The following RALGAPB variants were observed in gnomAD, a reference collection of about 807,000 sequenced individuals.
RALGAPB encodes ral GTPase-activating protein subunit beta.
RALGAPB carries 25 observed loss-of-function variants against 161.1 expected under a neutral mutation model. The observed-to-expected ratio is 0.16, with a 90% CI of 0.11 to 0.22. RALGAPB has a LOEUF of 0.22. Ranked by LOEUF, RALGAPB falls within the 10% of genes least tolerant of loss-of-function variation. The pLI, the probability that RALGAPB is intolerant of heterozygous loss-of-function variation, is 1.00. For missense variants in RALGAPB, 1,391 were observed against 1,815.2 expected, an observed-to-expected ratio of 0.77 and a Z score of 4.25; for synonymous variants, 629 against 626.1, an observed-to-expected ratio of 1.00 and a Z score of -0.07.
At chr20:38,564,145 G>A (rs2087897917) in intron 24 of RALGAPB, among the ~76,000 whole-genome samples, 1 of 152,152 alleles carries the variant, frequency 6.6e-6, no homozygotes, top group South Asian at 2.1e-4. Context: ...AGTGGCTATT[G>A]GGATAGTAAC....
At position 38,521,566 on chromosome 20, in the gene RALGAPB, C is replaced by G; in HGVS notation, c.1487C>G (p.Ser496Cys). 6.2e-7 allele frequency: 1 copy of G among 1,614,156 alleles called. No individual in the cohort carries two copies. Among genetic ancestry groups the G allele is most frequent in the Non-Finnish European group, 8.5e-7 (1 of 1,180,024 alleles). ...CAAATGTCCACAGACACCATGGTTT[C>G]CAATCCTATGTTTGATGCAAGTGAA... is the stretch of plus-strand genomic sequence containing the variant. Reference protein sequence around the residue: ...GSQMSTDTMVSNPMFDASEFP... With the variant: ...GSQMSTDTMVCNPMFDASEFP... Residue 496 changes from serine to cysteine, a missense_variant, in exon 10 of 30, where the codon TCC becomes TGC. Ser to Cys is a moderately radical substitution (Grantham distance 112). This residue lies in a region of RALGAPB where 946 missense variants were observed against 1,257.2 expected (regional missense o/e 0.75). Transcript: ENST00000262879.
chr20:38,474,998 G>T (rs140116530), intron 1 of RALGAPB, among the ~76,000 whole-genome samples: 4 of 152,160 alleles, frequency 2.6e-5, no homozygotes, highest in Non-Finnish European at 5.9e-5. Context: ...TCAGCAATTT[G>T]TCCAGCAGTT....
Position 38,576,108 on chromosome 20 carries a change from G to A in RALGAPB, c.*1141G>A, listed in dbSNP as rs1176852095. 6.6e-6 allele frequency: 1 copy of A among 152,416 alleles called. No homozygotes were observed. The highest frequency in any genetic ancestry group is 1.5e-5 in the Non-Finnish European group (1 of 68,030). The allele number at this position is 152,416 out of a possible 1,614,324, so 9.4% of individuals were successfully genotyped here. A position where few individuals can be genotyped will look rare whatever the true frequency, so the allele number is the denominator to read the frequency against. On this transcript the variant is annotated 3_prime_UTR_variant, in exon 30 of 30. Transcript: ENST00000262879. ...GTTTTGGAAATACTTCTATTACCTC[G>A]CTGCTACTTTTCTGCAGGGATAAAA...
chr20:38,576,235 A>C lies in RALGAPB; in HGVS notation c.*1268A>C, dbSNP rs908726823. ...TTCTCATGTGCTTTCTTCTTTAGTA[A>C]GATTATTTTAAGAAAATAAGTGATA... On this transcript the variant is annotated 3_prime_UTR_variant, in exon 30 of 30. Transcript: ENST00000262879. 6.6e-6 allele frequency: 1 copy of C among 152,670 alleles called. No individual in the cohort carries two copies. Among genetic ancestry groups the C allele is most frequent in the Non-Finnish European group, 1.5e-5 (1 of 68,048 alleles). 9.5% of individuals were successfully genotyped at this position (152,670 alleles called of 1,614,324 possible). A position where few individuals can be genotyped will look rare whatever the true frequency, so the allele number is the denominator to read the frequency against.
intron 12 of RALGAPB, 113 bp from the exon 13 acceptor site, chr20:38,525,782 A>G (rs2086445180): frequency 3.5e-6 from 4 of 1,129,968 alleles, no homozygotes; most frequent in African/African-American, 1.6e-5. Context: ...AGTGGCTAAT[A>G]TTAGACTGAA....
At chr20:38,520,184 T>C (rs918060427) in intron 9 of RALGAPB, 5 of 571,362 alleles carry the variant, frequency 8.8e-6, no homozygotes, top group Non-Finnish European at 8.9e-6. Flanking sequence ...CTTTAAAGTA[T>C]TTTATAATTA....
At chr20:38,507,700 T>G (rs1282822) in intron 5 of RALGAPB, among the ~76,000 whole-genome samples, 96,156 of 151,750 alleles carry the variant, frequency 0.63, 35,215 homozygotes, top group East Asian at 0.91. Context: ...TTTGTTTTTG[T>G]TTTTCTTTTT....
chr20:38,486,853 C>T (rs1363802175), intron 1 of RALGAPB, among the ~76,000 whole-genome samples: 1 of 152,000 alleles, frequency 6.6e-6, no homozygotes, highest in African/African-American at 2.4e-5. Flanking sequence ...TCCTTTTTCC[C>T]ACTGGTAAAC....
intron 27 of RALGAPB, among the ~76,000 whole-genome samples, chr20:38,570,330 C>T (rs2088185562): frequency 6.6e-6 from 1 of 152,232 alleles, no homozygotes; most frequent in South Asian, 2.1e-4. Context: ...AGGGGAAGCA[C>T]TTCACTTACC....
chr20:38,534,420 T>C (rs1297096736), intron 15 of RALGAPB: 6 of 152,682 alleles, frequency 3.9e-5, no homozygotes, highest in African/African-American at 1.4e-4. Context: ...GCTTCCTTTA[T>C]AAATTCAGTT....
chr20:38,569,393 C>G (rs1203314411), intron 26 of RALGAPB: 31 of 155,584 alleles, frequency 2.0e-4, no homozygotes, highest in Admixed American at 1.9e-3. Flanking sequence ...AAGCCCCAAA[C>G]AACTCGTTTT....
intron 5 of RALGAPB, among the ~76,000 whole-genome samples, chr20:38,506,722 A>G (rs865990934): frequency 6.6e-6 from 1 of 152,188 alleles, no homozygotes; most frequent in African/African-American, 2.4e-5. Context: ...TGTATTTCCT[A>G]TAAACTGGTA....
At chr20:38,517,708 C>T (rs1600921225) in intron 8 of RALGAPB, 54 bp downstream of exon 8, 2 of 1,606,238 alleles carry the variant, frequency 1.2e-6, no homozygotes, top group East Asian at 4.5e-5. Context: ...TTTTAATCTG[C>T]CATTCTTTTT....
At chr20:38,553,366 C>T (rs1012039747) in intron 21 of RALGAPB, among the ~76,000 whole-genome samples, 1 of 152,100 alleles carries the variant, frequency 6.6e-6, no homozygotes, top group Non-Finnish European at 1.5e-5. Flanking sequence ...ACAGGGAGCA[C>T]GTCAGGGTGA....
intron 5 of RALGAPB, among the ~76,000 whole-genome samples, chr20:38,501,621 C>G (rs539689730): frequency 1.3e-5 from 2 of 152,254 alleles, no homozygotes; most frequent in Admixed American, 6.5e-5. Flanking sequence ...CCAGTCTGGT[C>G]TCCAACTCCT....
intron 20 of RALGAPB, 94 bp downstream of exon 20, chr20:38,548,889 T>G (rs1291102326): frequency 1.8e-6 from 2 of 1,088,600 alleles, no homozygotes; most frequent in African/African-American, 3.1e-5. Flanking sequence ...AATAAATATT[T>G]TTGATCCCTA....
At chr20:38,572,366 G>C (rs1270585558) in intron 28 of RALGAPB, among the ~76,000 whole-genome samples, 1 of 152,160 alleles carries the variant, frequency 6.6e-6, no homozygotes, top group Non-Finnish European at 1.5e-5. Context: ...GAGTTCAACA[G>C]TTATTTTCTG....
intron 5 of RALGAPB, among the ~76,000 whole-genome samples, chr20:38,502,960 T>A (rs2085640875): frequency 6.6e-6 from 1 of 152,068 alleles, no homozygotes; most frequent in Non-Finnish European, 1.5e-5. Flanking sequence ...CAGGCTAGAG[T>A]ATAATGGCTA....
At chr20:38,474,996 T>C (rs912989769) in intron 1 of RALGAPB, among the ~76,000 whole-genome samples, 1 of 152,232 alleles carries the variant, frequency 6.6e-6, no homozygotes, top group Non-Finnish European at 1.5e-5. Context: ...GTTCAGCAAT[T>C]TGTCCAGCAG....
Sources: allele counts gnomAD v4.1 joint callset (sites outside exome capture counted in the v4.1 genomes callset), GRCh38; gene constraint gnomAD v4.1.1; regional missense constraint gnomAD v4.1.1; transcripts MANE v1.5; gene names NCBI Gene and HGNC (gene_info 2026-07-23, HGNC 2026-07-21).